Variants in WFDC8 observed in about 807,000 individuals in gnomAD.
WFDC8 encodes the protein WAP four-disulfide core domain protein 8.
Under a neutral mutation model 27.0 loss-of-function variants are expected in WFDC8, and 24 were observed. That is an observed-to-expected ratio of 0.89 (90% CI 0.64 to 1.25). The LOEUF (loss-of-function observed/expected upper bound fraction) is 1.25, where lower values mean the gene tolerates loss of function less well. WFDC8 is among the 50% of genes most tolerant of loss of function. The pLI, the probability that WFDC8 is intolerant of heterozygous loss-of-function variation, is 0.00. For missense variants in WFDC8, 287 were observed against 295.9 expected (o/e 0.97, Z 0.22); for synonymous variants, 106 against 99.7 (o/e 1.06, Z -0.38).
chr20:45,569,837 A>G (rs6104233), intron 1 of WFDC8, among the ~76,000 whole-genome samples: 57,246 of 152,080 alleles, frequency 0.38, 11,336 homozygotes, highest in Non-Finnish European at 0.43. Context: ...CATACACACA[A>G]TGGAATACTA....
intron 3 of WFDC8, among the ~76,000 whole-genome samples, chr20:45,557,131 C>T (rs1980289809): frequency 6.6e-6 from 1 of 152,218 alleles, no homozygotes; most frequent in African/African-American, 2.4e-5. Flanking sequence ...CCCAACCACA[C>T]GTCACACAAC....
At chr20:45,578,495 T>C (rs1033930052) in intron 1 of WFDC8, among the ~76,000 whole-genome samples, 3 of 151,346 alleles carry the variant, frequency 2.0e-5, no homozygotes, top group African/African-American at 7.3e-5. Context: ...AGGCCCCTTC[T>C]CCTGGCAGAG....
At chr20:45,578,817 T>C (rs1166105128) in intron 1 of WFDC8, among the ~76,000 whole-genome samples, 3 of 152,208 alleles carry the variant, frequency 2.0e-5, no homozygotes, top group African/African-American at 7.2e-5. Flanking sequence ...AACTTTACCT[T>C]GCTCAGGCTC....
At chr20:45,551,717 A>G (rs932865868), downstream of WFDC8, 5 of 209,334 alleles carry the variant, frequency 2.4e-5, no homozygotes, top group Admixed American at 2.9e-4. Context: ...ATATCTTTTT[A>G]TAGTGCAGGA....
At position 45,565,405 on chromosome 20, in the gene WFDC8, C is replaced by G. The variant is rs941694979; in HGVS notation, c.27-3186G>C. Among the ~76,000 whole-genome samples the G allele has an allele frequency of 1.2e-4, 19 of 152,316 alleles. 1 individual carries two copies. The highest frequency in any genetic ancestry group is 1.2e-3 in the Admixed American group (18 of 15,296). ...GGTACAGAGGGATCTGAGGACATTA[C>G]TGATTATTAAACTACATATTTACTT... On this transcript the variant is annotated intron_variant, in intron 1 of 5. Transcript: ENST00000289953.
Position 45,558,942 on chromosome 20 carries a change from G to T in WFDC8, c.187C>A (p.Pro63Thr), listed in dbSNP as rs1237142451. The T allele has an allele frequency of 6.2e-7, 1 of 1,614,060 alleles. No individual in the cohort carries two copies. The highest frequency in any genetic ancestry group is 1.3e-5 in the African/African-American group (1 of 74,910). Residue 63 changes from proline (P) to threonine (T), a missense_variant, in exon 3 of 6, where the codon CCG becomes ACG. Pro to Thr is a conservative substitution (Grantham distance 38, BLOSUM62 -1). Transcript: ENST00000289953. ...KERLTCTTEL[P>T]DSCNTDFDCK... ...TCAAAATCTGTGTTACATGAGTCCG[G>T]AAGTTCAGTGGTACAGGTGAGCCTC...
At chr20:45,561,602 T>C (rs992702986) in intron 2 of WFDC8, among the ~76,000 whole-genome samples, 7 of 152,324 alleles carry the variant, frequency 4.6e-5, no homozygotes, top group Non-Finnish European at 8.8e-5. Context: ...CTCCTGCCTC[T>C]CTTTACTACC....
At chr20:45,559,091 C>G in intron 2 of WFDC8, 99 bp from the exon 3 acceptor site, 1 of 1,459,818 alleles carries the variant, frequency 6.9e-7, no homozygotes, top group Admixed American at 1.9e-5. Flanking sequence ...GCCCTATCCT[C>G]TACCTTCGAT....
chr20:45,579,149 A>G (rs1981148160), intron 1 of WFDC8, 73 bp downstream of exon 1: 5 of 1,484,046 alleles, frequency 3.4e-6, no homozygotes, highest in South Asian at 1.1e-5. Context: ...TCTAACTTCT[A>G]TGTATCCTCC....
At chr20:45,567,652 T>G (rs1980726327) in intron 1 of WFDC8, among the ~76,000 whole-genome samples, 1 of 152,132 alleles carries the variant, frequency 6.6e-6, no homozygotes, top group South Asian at 2.1e-4. Flanking sequence ...GGAACCAGAC[T>G]TCTAAAGCCA....
At chr20:45,575,623 C>T (rs1053011611) in intron 1 of WFDC8, among the ~76,000 whole-genome samples, 3 of 150,764 alleles carry the variant, frequency 2.0e-5, no homozygotes, top group Non-Finnish European at 4.4e-5. Flanking sequence ...GCCCAGCTTC[C>T]CCAAATAGCA....
Position 45,579,110 on chromosome 20 carries a change from G to A in WFDC8, c.26+112C>T, listed in dbSNP as rs540130021. On this transcript the variant is annotated intron_variant, in intron 1 of 5. Transcript: ENST00000289953. Reference sequence around the variant, plus strand: ...GTTCTGTGGAACCCCTCCTCACTATGCTTGGCCCAACTCCCCACAGCCGAC... The same window carrying A: ...GTTCTGTGGAACCCCTCCTCACTATACTTGGCCCAACTCCCCACAGCCGAC... 6.6e-4 allele frequency: 666 copies of A among 1,016,686 alleles called. 1 individual carries two copies. Among genetic ancestry groups the A allele is most frequent in the Admixed American group, 1.7e-3 (94 of 54,908 alleles). 63.0% of individuals were successfully genotyped at this position (1,016,686 alleles called of 1,614,324 possible).
At chr20:45,570,733 CTT>C (rs1228596205) in intron 1 of WFDC8, among the ~76,000 whole-genome samples, 1 of 152,164 alleles carries the variant, frequency 6.6e-6, no homozygotes, top group Middle Eastern at 3.2e-3. Context: ...CTGCCAAACT[CTT>C]TTCCAAAGTC....
downstream of WFDC8, chr20:45,551,224 A>T (rs1362232789): frequency 6.6e-6 from 1 of 152,252 alleles, no homozygotes; most frequent in African/African-American, 2.4e-5. Flanking sequence ...TATTATGCCA[A>T]CAAATTAGAA....
Position 45,579,085 on chromosome 20 carries a change from G to C in WFDC8, c.26+137C>G, listed in dbSNP as rs138763428. On this transcript the variant is annotated intron_variant, in intron 1 of 5. Transcript: ENST00000289953. ...CTGATTCCTGACACAAGACAGCTCT[G>C]TTCTGTGGAACCCCTCCTCACTATG... 7.7e-3 allele frequency: 6,199 copies of C among 806,574 alleles called. 38 individuals are homozygous for C. The highest frequency in any genetic ancestry group is 0.011 in the Non-Finnish European group (5,411 of 471,672). 50.0% of individuals were successfully genotyped at this position (806,574 alleles called of 1,614,324 possible). A position where few individuals can be genotyped will look rare whatever the true frequency, so the allele number is the denominator to read the frequency against.
intron 1 of WFDC8, among the ~76,000 whole-genome samples, chr20:45,566,568 CA>C: frequency 6.6e-6 from 1 of 152,194 alleles, no homozygotes; most frequent in East Asian, 1.9e-4. Flanking sequence ...GAGGCTGAGG[CA>C]GGAGAATTGC....
chr20:45,564,631 C>T (rs1369922274), intron 1 of WFDC8, among the ~76,000 whole-genome samples: 2 of 150,906 alleles, frequency 1.3e-5, no homozygotes, highest in Non-Finnish European at 2.9e-5. Flanking sequence ...CCGAGATCGC[C>T]GCCACTGCAC....
At chr20:45,553,774 A>C (rs1474950088) in intron 4 of WFDC8, among the ~76,000 whole-genome samples, 1 of 152,166 alleles carries the variant, frequency 6.6e-6, no homozygotes, top group Non-Finnish European at 1.5e-5. Flanking sequence ...ATGGCTCTTC[A>C]GATCAGGGTG....
At chr20:45,569,453 A>G (rs565040687) in intron 1 of WFDC8, among the ~76,000 whole-genome samples, 1 of 152,222 alleles carries the variant, frequency 6.6e-6, no homozygotes, top group Non-Finnish European at 1.5e-5. Context: ...GAAATAACAA[A>G]TGGATTTTAA....
Sources: allele counts gnomAD v4.1 joint callset (sites outside exome capture counted in the v4.1 genomes callset), GRCh38; gene constraint gnomAD v4.1.1; transcripts MANE v1.5; gene names NCBI Gene and HGNC (gene_info 2026-07-23, HGNC 2026-07-21).